Variants in COL27A1 observed in about 807,000 individuals in gnomAD.
COL27A1 encodes the protein collagen alpha-1(XXVII) chain.
In COL27A1, 106 loss-of-function variants were observed where a neutral mutation model predicts 251.3. The observed-to-expected ratio is 0.42, with a 90% CI of 0.36 to 0.50. The LOEUF is 0.50. Among genes scored for constraint, COL27A1 ranks in the 20% least tolerant of loss-of-function variants. The pLI is 0.00. For missense variants in COL27A1, 2,325 were observed against 2,522.8 expected, an observed-to-expected ratio of 0.92 and a Z score of 1.68; for synonymous variants, 1,000 against 986.3, an observed-to-expected ratio of 1.01 and a Z score of -0.26.
chr9:114,166,511 C>T (rs995205095), intron 2 of COL27A1, among the ~76,000 whole-genome samples: 6 of 151,062 alleles, frequency 4.0e-5, no homozygotes, highest in African/African-American at 1.2e-4. Context: ...GGGCCAAATG[C>T]CAAGTGTTGC....
chr9:114,194,564 C>T, intron 6 of COL27A1, 107 bp downstream of exon 6: 1 of 999,812 alleles, frequency 1.0e-6, no homozygotes, highest in African/African-American at 1.6e-5. Flanking sequence ...ATGGCAAAGG[C>T]AGGGAGGTGG....
At chr9:114,187,627 T>C (rs891302595) in intron 5 of COL27A1, among the ~76,000 whole-genome samples, 15 of 152,374 alleles carry the variant, frequency 9.8e-5, no homozygotes, top group Middle Eastern at 6.8e-3. Context: ...CCTGTGTGTG[T>C]CACATATGTG....
At chr9:114,285,402 G>T (rs892478539) in intron 41 of COL27A1, among the ~76,000 whole-genome samples, 6 of 152,150 alleles carry the variant, frequency 3.9e-5, no homozygotes, top group African/African-American at 1.2e-4. Context: ...TGTTGGTGTG[G>T]TGTCACGTCC....
chr9:114,270,360 T>A (rs112360415), intron 35 of COL27A1, among the ~76,000 whole-genome samples: 2 of 152,332 alleles, frequency 1.3e-5, no homozygotes, highest in Admixed American at 6.5e-5. Flanking sequence ...CTTTAACTAC[T>A]AGGCCACTCT....
chr9:114,200,584 T>C (rs1829493333), intron 7 of COL27A1, among the ~76,000 whole-genome samples: 2 of 152,218 alleles, frequency 1.3e-5, no homozygotes, highest in Non-Finnish European at 2.9e-5. Flanking sequence ...GGAGCAGAGT[T>C]GGGTGTCAGA....
At chr9:114,186,018 A>T (rs1828311413) in intron 5 of COL27A1, among the ~76,000 whole-genome samples, 1 of 152,218 alleles carries the variant, frequency 6.6e-6, no homozygotes, top group Non-Finnish European at 1.5e-5. Context: ...CAGGAGGCCA[A>T]GGGACCTTGC....
chr9:114,283,616 TG>T, intron 39 of COL27A1, 92 bp from the exon 40 acceptor site: 4 of 1,175,638 alleles, frequency 3.4e-6, no homozygotes, highest in South Asian at 1.3e-5. Flanking sequence ...GCCAGGCTGC[TG>T]GGCGGAGCGG....
chr9:114,194,583 G>C (rs992358103), intron 6 of COL27A1, 126 bp downstream of exon 6: 2 of 837,620 alleles, frequency 2.4e-6, no homozygotes, highest in Non-Finnish European at 3.9e-6. Flanking sequence ...GGGAACATCT[G>C]GAAGGGTTAG....
Position 114,269,225 on chromosome 9 carries a change from G to T in COL27A1, c.3502-16G>T. 1 of 1,576,876 alleles carries T rather than the reference G, an allele frequency of 6.3e-7. No homozygotes were observed. Among genetic ancestry groups the T allele is most frequent in the South Asian group, 1.2e-5 (1 of 86,744 alleles). ...GCCCTACCCACCCGCAAGGACTTTT[G>T]TTCGGCTTCTCCTAGGGTGACCTTG... is the stretch of plus-strand genomic sequence containing the variant. On this transcript the variant is annotated splice_polypyrimidine_tract_variant and intron_variant, in intron 34 of 60. Coordinates refer to ENST00000356083, the MANE Select transcript of COL27A1 (RefSeq NM_032888.4).
At chr9:114,306,190 T>G (rs1420743649) in intron 57 of COL27A1, 1 of 206,810 alleles carries the variant, frequency 4.8e-6, no homozygotes, top group Non-Finnish European at 9.7e-6. Context: ...CTCCACAGGC[T>G]CTTTGCAGAT....
In COL27A1 at chr9:114,155,967, C is replaced by T. The variant is rs1203061517; in HGVS notation, c.17C>T (p.Ala6Val). 7.8e-7 allele frequency: 1 copy of T among 1,285,628 alleles called. No individual in the cohort carries two copies. Among genetic ancestry groups the T allele is most frequent in the African/African-American group, 1.5e-5 (1 of 65,760 alleles). The allele number at this position is 1,285,628 out of a possible 1,614,324, so 79.6% of individuals were successfully genotyped here. ...GGGCCTGCCATGGGAGCGGGATCGGCGCGGGGGGCCCGAGGCACAGCGGCG... is the reference window on the plus strand; with the variant it reads ...GGGCCTGCCATGGGAGCGGGATCGGTGCGGGGGGCCCGAGGCACAGCGGCG... The part of the protein sequence containing the change: MGAGS[A>V]RGARGTAAAA... The change falls in exon 1 of 61, where the codon GCG (alanine) becomes GTG (valine). Residue 6 changes from alanine (A) to valine (V), a missense_variant. Physicochemically the swap from Ala to Val is moderately conservative, Grantham distance 64. Around this residue, in one of 4 missense-constraint regions of COL27A1, gnomAD observed 1,183 missense variants for 1,144.1 expected, o/e 1.03. Coordinates refer to ENST00000356083, the MANE Select transcript of COL27A1 (RefSeq NM_032888.4). This position sits in a 1 kb window ranked among gnomAD's most constrained non-coding sequence, Gnocchi z 5.5.
chr9:114,265,162 G>T (rs762098381), intron 31 of COL27A1, 52 bp downstream of exon 31: 4 of 528,792 alleles, frequency 7.6e-6, no homozygotes, highest in South Asian at 3.3e-5. Flanking sequence ...TGATGGGGGT[G>T]GGGGGCGGGT....
intron 2 of COL27A1, among the ~76,000 whole-genome samples, chr9:114,165,872 A>G (rs1269035033): frequency 1.3e-5 from 2 of 151,054 alleles, no homozygotes; most frequent in South Asian, 2.1e-4. Flanking sequence ...CCATCAATCC[A>G]TCCACCAATT....
At chr9:114,155,080 G>T (rs1848042456), upstream of COL27A1, among the ~76,000 whole-genome samples, 2 of 151,806 alleles carry the variant, frequency 1.3e-5, no homozygotes, top group Admixed American at 1.3e-4. The surrounding 1 kb of genome is among the most constrained non-coding windows in gnomAD (Gnocchi z 5.5). Flanking sequence ...TCTCCAGGGC[G>T]CTCCGAGTCT....
intron 19 of COL27A1, among the ~76,000 whole-genome samples, chr9:114,239,116 G>A (rs188848464): frequency 4.6e-4 from 70 of 152,272 alleles, no homozygotes; most frequent in African/African-American, 1.5e-3. Flanking sequence ...GCTGATAAGC[G>A]CGTCAGCACC....
intron 58 of COL27A1, chr9:114,307,405 C>T (rs1720835034): frequency 2.4e-6 from 1 of 421,778 alleles, no homozygotes; most frequent in East Asian, 4.9e-5. Context: ...CAGTTGTCTT[C>T]TCTGTAAAAT....
intron 7 of COL27A1, among the ~76,000 whole-genome samples, chr9:114,203,037 G>T (rs1356416385): frequency 6.6e-6 from 1 of 152,152 alleles, no homozygotes; most frequent in African/African-American, 2.4e-5. Context: ...TCACATTGTT[G>T]TGCAATCAAT....
chr9:114,195,714 T>C (rs1472297281), intron 6 of COL27A1, among the ~76,000 whole-genome samples: 6 of 152,250 alleles, frequency 3.9e-5, no homozygotes. Context: ...AAGTGGTGTC[T>C]TCTGCTGAAG....
At chr9:114,300,364 A>C in intron 50 of COL27A1, 1 of 589,076 alleles carries the variant, frequency 1.7e-6, no homozygotes, top group Admixed American at 3.1e-5. Flanking sequence ...TGGTTTCCTC[A>C]TCTGTAAAAT....
Sources: allele counts gnomAD v4.1 joint callset (sites outside exome capture counted in the v4.1 genomes callset), GRCh38; gene constraint gnomAD v4.1.1; regional missense constraint gnomAD v4.1.1; non-coding constraint Gnocchi (gnomAD v3.1); transcripts MANE v1.5; gene names NCBI Gene and HGNC (gene_info 2026-07-23, HGNC 2026-07-21).